Variants in PSMD1 observed in about 807,000 individuals in gnomAD.
PSMD1 encodes the protein proteasome 26S subunit, non-ATPase 1.
Under a neutral mutation model 119.0 loss-of-function variants are expected in PSMD1, and 18 were observed. The ratio of observed to expected loss-of-function variants is 0.15; its 90% CI spans 0.10 to 0.22. PSMD1 has a LOEUF of 0.22. PSMD1 is among the 10% of genes least tolerant of loss of function. The pLI is 1.00. For missense variants in PSMD1, 702 were observed against 1,158.5 expected, an observed-to-expected ratio of 0.61 and a Z score of 5.72; for synonymous variants, 374 against 396.6, an observed-to-expected ratio of 0.94 and a Z score of 0.68.
chr2:231,164,108 T>G (rs1696702856), intron 21 of PSMD1, among the ~76,000 whole-genome samples: 1 of 152,228 alleles, frequency 6.6e-6, no homozygotes, highest in South Asian at 2.1e-4. Flanking sequence ...CTTTACTATG[T>G]GTAGTACTGT....
rs931574127 is a variant in PSMD1, at chr2:231,072,268, C to T, written c.734C>T (p.Ala245Val). ...GTAAAGGAAGACAACCTCCTGATGG[C>T]ATATCAGATTTGTTTTGATTTGTAT... ...KLVKEDNLLM[A>V]YQICFDLYES... Residue 245 changes from alanine to valine, a missense_variant, in exon 7 of 25, where the codon GCA (alanine) becomes GTA (valine). By Grantham distance (64) the Ala-to-Val change is moderately conservative (BLOSUM62 0). Coordinates refer to ENST00000308696, the MANE Select transcript of PSMD1 (RefSeq NM_002807.4). The T allele has an allele frequency of 7.4e-6, 12 of 1,613,742 alleles. No homozygotes were observed. The highest frequency in any genetic ancestry group is 1.0e-5 in the Non-Finnish European group (12 of 1,179,782).
At chr2:231,138,924 A>C in intron 17 of PSMD1, 74 bp downstream of exon 17, 1 of 1,093,336 alleles carries the variant, frequency 9.1e-7, no homozygotes, top group Middle Eastern at 2.0e-4. Flanking sequence ...AATTTATGTA[A>C]CAGCTGTAAA....
In PSMD1 at chr2:231,161,314, T is replaced by A. The variant is rs978097798; in HGVS notation, c.2219-26T>A. 1.9e-6 allele frequency: 3 copies of A among 1,557,254 alleles called. No homozygotes were observed. In the South Asian group the frequency reaches 3.5e-5, roughly 18 times the overall value. On this transcript the variant is annotated intron_variant, in intron 19 of 24. Transcript: ENST00000308696. ...TAATAATAGGACAATACTATTATTG[T>A]TCATGGTTTCTCTCTTTTTCTACAG...
chr2:231,058,332 A>T (rs1693662547), intron 1 of PSMD1, among the ~76,000 whole-genome samples: 1 of 152,028 alleles, frequency 6.6e-6, no homozygotes. Context: ...TTTGTTTTCG[A>T]CCATTACCTC....
At chr2:231,156,999 G>T (rs932931755) in intron 19 of PSMD1, among the ~76,000 whole-genome samples, 3 of 152,078 alleles carry the variant, frequency 2.0e-5, no homozygotes, top group Non-Finnish European at 4.4e-5. Context: ...AATACATTAT[G>T]TAGCCTTTTC....
chr2:231,108,987 G>A, intron 16 of PSMD1: 1 of 1,614,124 alleles, frequency 6.2e-7, no homozygotes. Flanking sequence ...ACAATCCCTA[G>A]GACCTTTGAG....
chr2:231,069,677 G>C (rs963825511), intron 5 of PSMD1, among the ~76,000 whole-genome samples: 7 of 152,172 alleles, frequency 4.6e-5, no homozygotes, highest in African/African-American at 1.7e-4. Flanking sequence ...AAAGACTTCA[G>C]CAGACACATT....
chr2:231,162,497 A>G (rs1424950279), intron 20 of PSMD1, among the ~76,000 whole-genome samples: 1 of 152,138 alleles, frequency 6.6e-6, no homozygotes, highest in Non-Finnish European at 1.5e-5. Context: ...CCAATCCCCA[A>G]CTTTTAACAT....
At chr2:231,168,332 T>G (rs536421804) in intron 23 of PSMD1, among the ~76,000 whole-genome samples, 48 of 152,342 alleles carry the variant, frequency 3.2e-4, no homozygotes, top group Non-Finnish European at 6.3e-4. Context: ...AAGAGAAAAC[T>G]GTGCCCACAC....
chr2:231,087,294 G>A, intron 16 of PSMD1, 113 bp downstream of exon 16: 2 of 808,552 alleles, frequency 2.5e-6, no homozygotes, highest in Admixed American at 4.4e-5. Flanking sequence ...AAATACCTGA[G>A]GAGTATATCT....
chr2:231,152,076 A>G (rs1423698661), intron 18 of PSMD1, among the ~76,000 whole-genome samples: 1 of 152,120 alleles, frequency 6.6e-6, no homozygotes, highest in African/African-American at 2.4e-5. Context: ...GGTCTCCCCC[A>G]AAGTGCTGGG....
intron 17 of PSMD1, among the ~76,000 whole-genome samples, chr2:231,142,383 T>C (rs1466791699): frequency 6.6e-6 from 1 of 152,198 alleles, no homozygotes. Flanking sequence ...TTACTAAGTA[T>C]TTCCCCCCTC....
intron 1 of PSMD1, 80 bp downstream of exon 1, chr2:231,057,121 G>C: frequency 7.1e-7 from 1 of 1,409,506 alleles, no homozygotes; most frequent in Non-Finnish European, 9.2e-7. Context: ...GCCGGTGACT[G>C]GGCGCCTCCC....
intron 16 of PSMD1, chr2:231,113,767 G>A: frequency 6.2e-7 from 1 of 1,614,092 alleles, no homozygotes; most frequent in South Asian, 1.1e-5. Context: ...CTTGATGAAT[G>A]CTGTAGCCCG....
intron 16 of PSMD1, among the ~76,000 whole-genome samples, chr2:231,126,430 A>T (rs1023789392): frequency 5.3e-5 from 8 of 151,872 alleles, no homozygotes; most frequent in African/African-American, 1.9e-4. Flanking sequence ...ACAGAATGAG[A>T]TCTTGTCTCC....
At chr2:231,079,334 A>AT (rs1386260398) in intron 10 of PSMD1, among the ~76,000 whole-genome samples, 1 of 152,210 alleles carries the variant, frequency 6.6e-6, no homozygotes, top group East Asian at 1.9e-4. Flanking sequence ...TTATAGTAGA[A>AT]TTACGTATCG....
intron 2 of PSMD1, 41 bp downstream of exon 2, chr2:231,061,351 C>T (rs1193691228): frequency 6.9e-7 from 1 of 1,443,650 alleles, no homozygotes; most frequent in East Asian, 2.3e-5. Flanking sequence ...AGTGTGAATA[C>T]TGTGAAGCCT....
Position 231,165,897 on chromosome 2 carries a change from A to G in PSMD1, c.2595A>G (p.Lys865=), listed in dbSNP as rs766988202. ...EVDEAEKKEE[K]EKKKEPEPNF... ...ATGAGGCAGAGAAAAAGGAGGAAAA[A>G]GAGAAGAAAAAAGAACCTGAGCCAA... is the stretch of plus-strand genomic sequence containing the variant. Residue 865 remains lysine, a synonymous_variant, in exon 23 of 25, where the codon AAA becomes AAG. Coordinates refer to ENST00000308696, the MANE Select transcript of PSMD1 (RefSeq NM_002807.4). 24 of 1,612,908 alleles carry G rather than the reference A, an allele frequency of 1.5e-5. No individual in the cohort carries two copies. In the South Asian group the frequency reaches 2.0e-4, roughly 13 times the overall value.
intron 1 of PSMD1, among the ~76,000 whole-genome samples, chr2:231,057,452 CT>C (rs924637235): frequency 2.6e-5 from 4 of 152,266 alleles, no homozygotes; most frequent in Admixed American, 6.5e-5. Flanking sequence ...GCAAACCCCC[CT>C]GATCGGGCAG....
Sources: gnomAD v4.1 joint callset for allele counts (sites outside exome capture counted in the v4.1 genomes callset) on GRCh38, gnomAD v4.1.1 for gene constraint, MANE v1.5 for transcripts, NCBI Gene and HGNC (gene_info 2026-07-23, HGNC 2026-07-21) for gene names.